Variants in ARNT2 observed in about 807,000 individuals in gnomAD.
ARNT2 encodes ARNT protein 2.
Under a neutral mutation model 91.7 loss-of-function variants are expected in ARNT2, and 36 were observed. The observed-to-expected ratio is 0.39, with a 90% CI of 0.30 to 0.52. The LOEUF is 0.52. Among genes scored for constraint, ARNT2 ranks in the 20% least tolerant of loss-of-function variants. ARNT2 has a pLI of 0.72. For missense variants in ARNT2, 775 were observed against 939.3 expected (o/e 0.83, Z 2.29); for synonymous variants, 365 against 347.1 (o/e 1.05, Z -0.57).
intron 4 of ARNT2, among the ~76,000 whole-genome samples, chr15:80,473,168 A>G (rs897280864): frequency 2.0e-5 from 3 of 152,190 alleles, no homozygotes; most frequent in African/African-American, 4.8e-5. Context: ...AAAGTTGCAC[A>G]GCTAAGTGGG....
chr15:80,464,727 A>G (rs544777320), intron 3 of ARNT2, among the ~76,000 whole-genome samples: 5 of 152,244 alleles, frequency 3.3e-5, no homozygotes, highest in Admixed American at 6.5e-5. Flanking sequence ...GGCTCCTGAA[A>G]TGGCTTTCTT....
rs551839041 is a variant in ARNT2 at position 80,543,029 on chromosome 15, C to A, written c.878-8170C>A. On this transcript the variant is annotated intron_variant, in intron 8 of 18. Coordinates refer to ENST00000303329, the MANE Select transcript of ARNT2 (RefSeq NM_014862.4). ...GAAGGATGGCTTGAGCCTGGGAGGT[C>A]AAGACTGCAGTGAACCAAGATCGCG... Among the ~76,000 whole-genome samples, 170 of 134,168 alleles carry A rather than the reference C, an allele frequency of 1.3e-3. 2 individuals carry two copies. The highest frequency in any genetic ancestry group is 4.4e-3 in the African/African-American group (162 of 36,576). 88.0% of individuals were successfully genotyped at this position (134,168 alleles called of 152,430 possible).
intron 1 of ARNT2, among the ~76,000 whole-genome samples, chr15:80,433,258 T>TTTTATTTTATTTTATTTTA (rs1896037458): frequency 1.5e-5 from 1 of 66,300 alleles, no homozygotes; most frequent in African/African-American, 4.3e-5. Context: ...TTTTATTTTA[T>TTTTATTTTATTTTATTTTA]TTTATTTTAT....
intron 1 of ARNT2, among the ~76,000 whole-genome samples, chr15:80,425,976 G>A (rs550894113): frequency 3.3e-5 from 5 of 152,088 alleles, no homozygotes; most frequent in South Asian, 4.2e-4. Flanking sequence ...TAGAAGGATC[G>A]CTTGAGCTCA....
At chr15:80,422,099 T>A (rs1215220099) in intron 1 of ARNT2, among the ~76,000 whole-genome samples, 1 of 152,150 alleles carries the variant, frequency 6.6e-6, no homozygotes, top group Non-Finnish European at 1.5e-5. Flanking sequence ...CTCCTTCTTA[T>A]GTAAGTTAGA....
chr15:80,508,838 GA>G (rs1897306074), intron 6 of ARNT2, among the ~76,000 whole-genome samples: 1 of 152,200 alleles, frequency 6.6e-6, no homozygotes, highest in South Asian at 2.1e-4. Context: ...ATGCAGGAAT[GA>G]ATGAACTTTG....
intron 17 of ARNT2, among the ~76,000 whole-genome samples, chr15:80,588,608 C>T (rs1893218976): frequency 1.3e-5 from 2 of 152,264 alleles, no homozygotes; most frequent in Admixed American, 6.5e-5. Context: ...ATTCCTCTTC[C>T]ATCCTGAGCC....
chr15:80,578,823 G>A (rs1208832437), intron 15 of ARNT2, among the ~76,000 whole-genome samples: 2 of 152,198 alleles, frequency 1.3e-5, no homozygotes, highest in Non-Finnish European at 2.9e-5. Context: ...GCCTGTTAGG[G>A]CTAAAGCCTG....
chr15:80,580,162 C>T (rs921437968), intron 15 of ARNT2: 3 of 493,052 alleles, frequency 6.1e-6, no homozygotes, highest in African/African-American at 3.9e-5. Flanking sequence ...CTGGGGAGAA[C>T]GAGGAGAGGA....
intron 8 of ARNT2, among the ~76,000 whole-genome samples, chr15:80,541,431 T>C (rs1897903762): frequency 6.6e-6 from 1 of 152,224 alleles, no homozygotes; most frequent in African/African-American, 2.4e-5. Flanking sequence ...TCTCTCATTC[T>C]GTAGGCTGTC....
intron 15 of ARNT2, among the ~76,000 whole-genome samples, chr15:80,578,182 G>A (rs1311070570): frequency 2.0e-5 from 3 of 152,194 alleles, no homozygotes; most frequent in African/African-American, 7.2e-5. Context: ...ATCAGGGAGA[G>A]CACAGCAGCA....
At chr15:80,409,853 C>T (rs1895655788) in intron 1 of ARNT2, among the ~76,000 whole-genome samples, 1 of 152,126 alleles carries the variant, frequency 6.6e-6, no homozygotes, top group Non-Finnish European at 1.5e-5. Context: ...GAAGAGCATT[C>T]CAGGCACAAG....
At chr15:80,439,670 A>G (rs1008264603) in intron 1 of ARNT2, among the ~76,000 whole-genome samples, 2 of 152,208 alleles carry the variant, frequency 1.3e-5, no homozygotes, top group Non-Finnish European at 2.9e-5. Flanking sequence ...TTCAACTTCC[A>G]ACTGCCTTTG....
chr15:80,502,855 G>A (rs889252594), intron 5 of ARNT2, among the ~76,000 whole-genome samples: 1 of 152,192 alleles, frequency 6.6e-6, no homozygotes, highest in African/African-American at 2.4e-5. Flanking sequence ...AGTACACATA[G>A]GAGAGGTGAC....
chr15:80,523,928 A>G (rs909477828), intron 8 of ARNT2, among the ~76,000 whole-genome samples: 1 of 152,220 alleles, frequency 6.6e-6, no homozygotes, highest in African/African-American at 2.4e-5. Flanking sequence ...TGAAGGAGCC[A>G]GGGGTGTTTA....
At chr15:80,523,106 G>A (rs1156313950) in intron 8 of ARNT2, among the ~76,000 whole-genome samples, 1 of 152,088 alleles carries the variant, frequency 6.6e-6, no homozygotes, top group Non-Finnish European at 1.5e-5. Context: ...CTTGTCCCTG[G>A]CATGGATGCT....
chr15:80,406,599 A>G (rs1477430527), intron 1 of ARNT2, among the ~76,000 whole-genome samples: 4 of 152,180 alleles, frequency 2.6e-5, no homozygotes, highest in African/African-American at 9.7e-5. Context: ...CTAAAGATCT[A>G]AAGATGGAGT....
intron 1 of ARNT2, among the ~76,000 whole-genome samples, chr15:80,438,327 G>A (rs998240449): frequency 2.6e-5 from 4 of 152,158 alleles, no homozygotes; most frequent in African/African-American, 9.7e-5. Flanking sequence ...GTCTGCATTG[G>A]TGATGATTTA....
At chr15:80,475,424 G>T in intron 5 of ARNT2, 1 of 478,990 alleles carries the variant, frequency 2.1e-6, no homozygotes, top group South Asian at 2.1e-5. Context: ...GCCAGGCGTG[G>T]TGGTGGGCGC....
Sources: allele counts gnomAD v4.1 joint callset (sites outside exome capture counted in the v4.1 genomes callset), GRCh38; gene constraint gnomAD v4.1.1; transcripts MANE v1.5; gene names NCBI Gene and HGNC (gene_info 2026-07-23, HGNC 2026-07-21).